Variants in SKAP2 observed in about 807,000 individuals in gnomAD.
SKAP2 encodes the protein src kinase associated phosphoprotein 2, also known as src kinase-associated phosphoprotein 2.
A neutral mutation model predicts 54.9 loss-of-function variants in SKAP2; 28 were observed. That is an observed-to-expected ratio of 0.51 (90% CI 0.38 to 0.70). The LOEUF is 0.70. Ranked by LOEUF, SKAP2 falls within the 30% of genes least tolerant of loss-of-function variation. The probability of loss-of-function intolerance (pLI) is 0.00; values close to 1 mark genes in which losing one functional copy is unlikely to be tolerated. For missense variants in SKAP2, 356 were observed against 424.1 expected, an observed-to-expected ratio of 0.84 and a Z score of 1.41; for synonymous variants, 137 against 134.3, an observed-to-expected ratio of 1.02 and a Z score of -0.14.
intron 4 of SKAP2, among the ~76,000 whole-genome samples, chr7:26,749,168 T>C (rs2127965634): frequency 6.6e-6 from 1 of 152,282 alleles, no homozygotes; most frequent in South Asian, 2.1e-4. Flanking sequence ...TAAACACCTT[T>C]TAACCATACG....
At chr7:26,859,480 T>C (rs896651163) in intron 1 of SKAP2, among the ~76,000 whole-genome samples, 2 of 152,318 alleles carry the variant, frequency 1.3e-5, no homozygotes, top group African/African-American at 4.8e-5. Flanking sequence ...AGGTTACAGA[T>C]GAACTGTGGA....
intron 4 of SKAP2, among the ~76,000 whole-genome samples, chr7:26,802,513 T>C (rs1783937425): frequency 6.6e-6 from 1 of 152,024 alleles, no homozygotes; most frequent in Non-Finnish European, 1.5e-5. Context: ...TCAGGTGATC[T>C]GCCCGCCTCA....
At chr7:26,766,265 C>G (rs1246475157) in intron 4 of SKAP2, among the ~76,000 whole-genome samples, 1 of 152,094 alleles carries the variant, frequency 6.6e-6, no homozygotes, top group Non-Finnish European at 1.5e-5. Flanking sequence ...TGATTTGGCT[C>G]TCTGTTTGTC....
intron 10 of SKAP2, among the ~76,000 whole-genome samples, chr7:26,688,639 G>C (rs1786702721): frequency 1.3e-5 from 2 of 152,106 alleles, no homozygotes; most frequent in Non-Finnish European, 2.9e-5. Context: ...CTAAAGATAA[G>C]AATTATTGTA....
At chr7:26,765,018 T>C (rs1390029615) in intron 4 of SKAP2, among the ~76,000 whole-genome samples, 1 of 152,238 alleles carries the variant, frequency 6.6e-6, no homozygotes, top group Non-Finnish European at 1.5e-5. Context: ...ATGGGTCAAA[T>C]GGTATTTCTG....
chr7:26,782,117 A>G (rs1002116725), intron 4 of SKAP2, among the ~76,000 whole-genome samples: 3 of 152,196 alleles, frequency 2.0e-5, no homozygotes, highest in African/African-American at 7.2e-5. Context: ...ACTTGGCACA[A>G]TCCTGGCATA....
In SKAP2 at chr7:26,703,126, C is replaced by T. The variant is rs75714928; in HGVS notation, c.797-12764G>A. On this transcript the variant is annotated intron_variant, in intron 9 of 12. Coordinates refer to ENST00000345317, the MANE Select transcript of SKAP2 (RefSeq NM_003930.5). Reference sequence around the variant, plus strand: ...GAACCATGGCTCAGAGCCGTATCTTCGAAGGCACAGGTGTCCAACCTTTTG... The same window carrying T: ...GAACCATGGCTCAGAGCCGTATCTTTGAAGGCACAGGTGTCCAACCTTTTG... 5.8e-3 allele frequency among the ~76,000 whole-genome samples: 883 copies of T among 152,308 alleles called. 10 individuals carry two copies. The highest frequency in any genetic ancestry group is 0.02 in the African/African-American group (843 of 41,566).
At chr7:26,859,533 T>G (rs762181108) in intron 1 of SKAP2, among the ~76,000 whole-genome samples, 1 of 152,184 alleles carries the variant, frequency 6.6e-6, no homozygotes. Flanking sequence ...GCACAAGAGC[T>G]CTCATGGTAC....
At chr7:26,698,581 C>A (rs1057425749) in intron 9 of SKAP2, among the ~76,000 whole-genome samples, 1 of 152,170 alleles carries the variant, frequency 6.6e-6, no homozygotes, top group East Asian at 1.9e-4. Flanking sequence ...ACCTTGAGTA[C>A]GTAACTTTAA....
the SKAP2 span, among the ~76,000 whole-genome samples, chr7:26,660,387 A>G: frequency 6.6e-6 from 1 of 152,254 alleles, no homozygotes; most frequent in East Asian, 1.9e-4. Flanking sequence ...TCAGGCAATT[A>G]TATCAATTTT....
At chr7:26,727,090 C>A in intron 6 of SKAP2, 84 bp from the exon 7 acceptor site, 1 of 1,157,662 alleles carries the variant, frequency 8.6e-7, no homozygotes, top group Admixed American at 2.8e-5. Context: ...TTCATCAATT[C>A]TTGGAAATAA....
intron 10 of SKAP2, among the ~76,000 whole-genome samples, chr7:26,690,023 CAGA>C (rs757779612): frequency 5.3e-5 from 8 of 152,174 alleles, no homozygotes; most frequent in Non-Finnish European, 1.2e-4. Context: ...CTCCTTTGTG[CAGA>C]AATGAAAGCT....
chr7:26,815,663 G>A (rs10266759), intron 4 of SKAP2, among the ~76,000 whole-genome samples: 32,040 of 151,820 alleles, frequency 0.21, 3,432 homozygotes, highest in Non-Finnish European at 0.24. Context: ...CAAAGTGGAA[G>A]ACGAGTGGGA....
chr7:26,789,811 C>G (rs774552249), intron 4 of SKAP2, among the ~76,000 whole-genome samples: 1 of 152,148 alleles, frequency 6.6e-6, no homozygotes, highest in Non-Finnish European at 1.5e-5. Flanking sequence ...GGAATCTCCT[C>G]AGCTATAAAT....
At chr7:26,677,909 G>A (rs1786387900) in intron 11 of SKAP2, among the ~76,000 whole-genome samples, 1 of 152,280 alleles carries the variant, frequency 6.6e-6, no homozygotes, top group East Asian at 1.9e-4. Context: ...AACATGGTTC[G>A]CTGTTGTTTA....
At chr7:26,801,378 A>G (rs1405749158) in intron 4 of SKAP2, among the ~76,000 whole-genome samples, 1 of 152,250 alleles carries the variant, frequency 6.6e-6, no homozygotes, top group African/African-American at 2.4e-5. Context: ...AAAGCCATAC[A>G]TGACAAACCT....
intron 4 of SKAP2, among the ~76,000 whole-genome samples, chr7:26,758,526 A>T (rs975866990): frequency 6.6e-6 from 1 of 152,116 alleles, no homozygotes; most frequent in African/African-American, 2.4e-5. Flanking sequence ...GTACCCACAC[A>T]AGTTTTCACT....
At position 26,854,025 on chromosome 7, in the gene SKAP2, G is replaced by A. The variant is rs149773086; in HGVS notation, c.199+112C>T. On this transcript the variant is annotated intron_variant, in intron 3 of 12. Transcript: ENST00000345317. The stretch of plus-strand genomic sequence containing the variant: ...TCTTGAAGGTCTAAGTACACATTAC[G>A]GAAATCTAAATTTTAATTCCAACTA... 6.7e-5 allele frequency: 47 copies of A among 706,758 alleles called. No individual in the cohort carries two copies. In the African/African-American group the frequency reaches 6.7e-4, roughly 10 times the overall value. The allele number at this position is 706,758 out of a possible 1,614,324, so 43.8% of individuals were successfully genotyped here.
chr7:26,818,123 T>G (rs1020447031), intron 4 of SKAP2, among the ~76,000 whole-genome samples: 4 of 152,300 alleles, frequency 2.6e-5, no homozygotes, highest in African/African-American at 9.6e-5. Flanking sequence ...AGAACCCGTA[T>G]AGCCAAGATG....
Sources: allele counts gnomAD v4.1 joint callset (sites outside exome capture counted in the v4.1 genomes callset), GRCh38; gene constraint gnomAD v4.1.1; transcripts MANE v1.5; gene names NCBI Gene and HGNC (gene_info 2026-07-23, HGNC 2026-07-21).